TNN: variants seen among roughly 807,000 people sequenced by gnomAD.
The protein encoded by TNN is tenascin N.
TNN carries 122 observed loss-of-function variants against 134.4 expected under a neutral mutation model. That is an observed-to-expected ratio of 0.91 (90% CI 0.78 to 1.06). The LOEUF (loss-of-function observed/expected upper bound fraction) is 1.06, where lower values mean the gene tolerates loss of function less well. Ranked by LOEUF, TNN falls within the 50% of genes least tolerant of loss-of-function variation. The pLI is 0.00. For missense variants in TNN, 1,739 were observed against 1,699.4 expected, an observed-to-expected ratio of 1.02 and a Z score of -0.41; for synonymous variants, 710 against 670.3, an observed-to-expected ratio of 1.06 and a Z score of -0.91.
rs570137192 is a variant in TNN, at chr1:175,088,395, A to G, written c.1324+2901A>G. On this transcript the variant is annotated intron_variant, in intron 6 of 18. Transcript: ENST00000239462. The stretch of plus-strand genomic sequence containing the variant: ...TGCCAGGAATCAGGGACCCAAAACC[A>G]AACATGTGTTTCTTGTTATAAATCA... Among the ~76,000 whole-genome samples, 25 of 152,312 alleles carry G rather than the reference A, an allele frequency of 1.6e-4. No homozygotes were observed. In the South Asian group the frequency reaches 5.0e-3, roughly 30 times the overall value.
At chr1:175,080,507 A>G in intron 4 of TNN, 81 bp downstream of exon 4, 1 of 1,545,104 alleles carries the variant, frequency 6.5e-7, no homozygotes, top group East Asian at 2.3e-5. Flanking sequence ...ACCTGTAGGC[A>G]GTTGCCTTGA....
At chr1:175,125,753 CTT>C (rs1383180905) in intron 12 of TNN, among the ~76,000 whole-genome samples, 132 of 132,198 alleles carry the variant, frequency 1.0e-3, no homozygotes, top group Middle Eastern at 3.8e-3. Flanking sequence ...TTCTTTCTTT[CTT>C]TCTCTCTCTC....
At chr1:175,091,890 A>G (rs916413210) in intron 6 of TNN, among the ~76,000 whole-genome samples, 2 of 152,080 alleles carry the variant, frequency 1.3e-5, no homozygotes, top group Admixed American at 6.5e-5. Flanking sequence ...GTGCCTGGCT[A>G]TGATATATTT....
intron 12 of TNN, among the ~76,000 whole-genome samples, chr1:175,124,277 T>C (rs1295414516): frequency 6.6e-6 from 1 of 152,258 alleles, no homozygotes; most frequent in Non-Finnish European, 1.5e-5. Flanking sequence ...CTTGAATTTC[T>C]CTATGGTTTT....
At chr1:175,143,877 C>T (rs1425586272) in intron 17 of TNN, among the ~76,000 whole-genome samples, 1 of 152,086 alleles carries the variant, frequency 6.6e-6, no homozygotes, top group Non-Finnish European at 1.5e-5. Flanking sequence ...TTAACACAGA[C>T]CCAGGATGAG....
At chr1:175,111,516 A>G (rs949839679) in intron 9 of TNN, among the ~76,000 whole-genome samples, 8 of 116,256 alleles carry the variant, frequency 6.9e-5, no homozygotes, top group Admixed American at 1.8e-4. Flanking sequence ...AAAAAAAAAA[A>G]GAATTGTTTT....
chr1:175,095,566 G>A (rs903005246), intron 7 of TNN, among the ~76,000 whole-genome samples: 1 of 152,104 alleles, frequency 6.6e-6, no homozygotes, highest in African/African-American at 2.4e-5. Context: ...CAGCATTTTT[G>A]TTTGTTTGTT....
chr1:175,073,195 C>T (rs1673960109), intron 1 of TNN, among the ~76,000 whole-genome samples: 1 of 152,076 alleles, frequency 6.6e-6, no homozygotes, highest in African/African-American at 2.4e-5. Context: ...GGCTCCATTG[C>T]TGGACACTGT....
intron 6 of TNN, among the ~76,000 whole-genome samples, 168 bp downstream of exon 6, chr1:175,085,662 G>A (rs1558351059): frequency 6.6e-6 from 1 of 152,148 alleles, no homozygotes; most frequent in Admixed American, 6.5e-5. Context: ...ATCACCTGAT[G>A]TCGGGAGTTC....
chr1:175,126,559 C>T (rs1250303460), intron 12 of TNN, among the ~76,000 whole-genome samples: 2 of 152,184 alleles, frequency 1.3e-5, no homozygotes, highest in Non-Finnish European at 2.9e-5. Context: ...CGGGCCAAGT[C>T]ACCCTGGTTT....
At chr1:175,132,943 T>C (rs573670813) in intron 15 of TNN, among the ~76,000 whole-genome samples, 72 of 152,364 alleles carry the variant, frequency 4.7e-4, no homozygotes, top group African/African-American at 1.4e-3. Context: ...GTTTACCTTA[T>C]AAATTCAAGA....
chr1:175,068,177 T>C (rs1673838429), intron 1 of TNN, among the ~76,000 whole-genome samples: 1 of 152,226 alleles, frequency 6.6e-6, no homozygotes, highest in South Asian at 2.1e-4. Context: ...AGTTATCCTC[T>C]TTCCTGCAAC....
chr1:175,074,839 T>C (rs887896492), intron 1 of TNN, among the ~76,000 whole-genome samples: 15 of 152,258 alleles, frequency 9.9e-5, no homozygotes, highest in South Asian at 4.1e-4. Flanking sequence ...TGCGCTCATT[T>C]GTCATTTGTA....
chr1:175,114,195 A>G (rs996454478), intron 9 of TNN, among the ~76,000 whole-genome samples: 1 of 152,164 alleles, frequency 6.6e-6, no homozygotes, highest in Admixed American at 6.5e-5. Context: ...TAAACTTTCT[A>G]GAGTGGCTTT....
In TNN at chr1:175,078,164, T is replaced by C. The variant is rs568194321; in HGVS notation, c.409+337T>C. 8.3e-4 allele frequency among the ~76,000 whole-genome samples: 126 copies of C among 152,258 alleles called. No homozygotes were observed. The South Asian group carries it at 0.014, about 17-fold the overall frequency. The stretch of plus-strand genomic sequence containing the variant: ...GAAGCAATGGGATACACAGGAAAGA[T>C]AGGGCCTTGGAGCTAGACAAGACAG... On this transcript the variant is annotated intron_variant, in intron 2 of 18. Transcript: ENST00000239462.
chr1:175,139,994 T>C (rs992574181), intron 17 of TNN, among the ~76,000 whole-genome samples: 1 of 152,182 alleles, frequency 6.6e-6, no homozygotes, highest in Non-Finnish European at 1.5e-5. Context: ...GAAACATAGA[T>C]GGACATTCAT....
At position 175,079,406 on chromosome 1, in the gene TNN, G is replaced by A. The variant is rs780744590; in HGVS notation, c.483G>A (p.Arg161=). 1 of 1,595,740 alleles carries A rather than the reference G, an allele frequency of 6.3e-7. No individual in the cohort carries two copies. The highest frequency in any genetic ancestry group is 1.3e-5 in the African/African-American group (1 of 74,380). Residue 161 remains arginine, a synonymous_variant, in exon 3 of 19, where the codon AGG becomes AGA. Coordinates refer to ENST00000239462, the MANE Select transcript of TNN (RefSeq NM_022093.2). The stretch of plus-strand genomic sequence containing the variant: ...GCAGCTGCCACTGCGAAGAGGGCAG[G>A]GAGGGCCCCGCCTGCGAGCGGCTGG... ...ETCSCHCEEG[R]EGPACERLAC...
rs376889897 is a variant in TNN, at chr1:175,083,733, C to T, written c.1049-17C>T. The T allele has an allele frequency of 1.7e-5, 28 of 1,610,044 alleles. No individual in the cohort carries two copies. Among genetic ancestry groups the T allele is most frequent in the East Asian group, 4.5e-5 (2 of 44,834 alleles). ...GCTCTTCACCACTTTCTCTTGCCTC[C>T]GTCACCCCTGCCCTAGACCTTGCTG... is the stretch of plus-strand genomic sequence containing the variant. On this transcript the variant is annotated splice_polypyrimidine_tract_variant and intron_variant, in intron 4 of 18. Coordinates refer to ENST00000239462, the MANE Select transcript of TNN (RefSeq NM_022093.2).
chr1:175,079,608 A>T lies in TNN; in HGVS notation c.685A>T (p.Ser229Cys), dbSNP rs775647694. ...CGAAGACTTCATGTCGGAGGACTGC[A>T]GCGAGAAGCGCTGTCCCGGCGACTG... ...CHEDFMSEDCSEKRCPGDCSG... is the reference protein window; with the variant it reads ...CHEDFMSEDCCEKRCPGDCSG... The change falls in exon 3 of 19, where the codon AGC (serine) becomes TGC (cysteine). Residue 229 changes from serine (S) to cysteine (C), a missense_variant. Coordinates refer to ENST00000239462, the MANE Select transcript of TNN (RefSeq NM_022093.2). The T allele has an allele frequency of 1.3e-6, 2 of 1,598,676 alleles. No homozygotes were observed. The highest frequency in any genetic ancestry group is 2.3e-5 in the South Asian group (2 of 88,884).
Sources: gnomAD v4.1 joint callset for allele counts (sites outside exome capture counted in the v4.1 genomes callset) on GRCh38, gnomAD v4.1.1 for gene constraint, MANE v1.5 for transcripts, NCBI Gene and HGNC (gene_info 2026-07-23, HGNC 2026-07-21) for gene names.